Variants in NEK6 observed in about 807,000 individuals in gnomAD.
The protein encoded by NEK6 is serine/threonine-protein kinase Nek6.
NEK6 carries 27 observed loss-of-function variants against 43.5 expected under a neutral mutation model. The observed-to-expected ratio is 0.62, with a 90% CI of 0.46 to 0.86. The LOEUF is 0.86. Ranked by LOEUF, NEK6 falls within the 40% of genes least tolerant of loss-of-function variation. The pLI is 0.00. For missense variants in NEK6, 318 were observed against 414.4 expected (o/e 0.77, Z 2.02); for synonymous variants, 167 against 164.1 (o/e 1.02, Z -0.14).
chr9:124,316,775 C>T (rs1321408727), intron 4 of NEK6, among the ~76,000 whole-genome samples: 1 of 152,150 alleles, frequency 6.6e-6, no homozygotes, highest in Non-Finnish European at 1.5e-5. Flanking sequence ...TTTAAGGGAG[C>T]CCTTCCTTAA....
rs1473012177 is a variant in NEK6 at position 124,339,469 on chromosome 9, A to G, written c.623-102A>G. 9 of 798,894 alleles carry G rather than the reference A, an allele frequency of 1.1e-5. No individual in the cohort carries two copies. In the East Asian group the frequency reaches 2.2e-4, roughly 20 times the overall value. 49.5% of individuals were successfully genotyped at this position (798,894 alleles called of 1,614,324 possible). On this transcript the variant is annotated intron_variant, in intron 7 of 9. Coordinates refer to ENST00000320246, the MANE Select transcript of NEK6 (RefSeq NM_014397.6). ...AGGGCTGCTCAGAGACCGAGGCACA[A>G]TCTCTCCCCAGCTCCCGTGTGCCCT...
chr9:124,346,369 C>T (rs1205700011), intron 8 of NEK6, among the ~76,000 whole-genome samples: 1 of 152,176 alleles, frequency 6.6e-6, no homozygotes, highest in South Asian at 2.1e-4. Context: ...CTGACGGGCA[C>T]CCTCAAACCC....
chr9:124,344,681 A>G (rs930530240), intron 8 of NEK6, among the ~76,000 whole-genome samples: 20 of 152,248 alleles, frequency 1.3e-4, no homozygotes, highest in Admixed American at 1.2e-3. Flanking sequence ...ATTTTTATCT[A>G]TGTGGGAGCT....
intron 1 of NEK6, among the ~76,000 whole-genome samples, chr9:124,273,897 A>G (rs1831550562): frequency 6.6e-6 from 1 of 152,136 alleles, no homozygotes; most frequent in Admixed American, 6.5e-5. Flanking sequence ...AGGACCTAAT[A>G]AGGCCCCAAC....
chr9:124,259,155 T>C (rs1830925904), intron 1 of NEK6: 1 of 152,246 alleles, frequency 6.6e-6, no homozygotes, highest in Non-Finnish European at 1.5e-5. Flanking sequence ...TGACAGGCTT[T>C]TGTGTGTGTG....
intron 1 of NEK6, among the ~76,000 whole-genome samples, chr9:124,296,758 G>A (rs946599863): frequency 2.6e-5 from 4 of 152,286 alleles, no homozygotes; most frequent in East Asian, 3.9e-4. Context: ...TTCACTGGCC[G>A]GGCCACGATG....
chr9:124,263,219 C>A (rs760679331), intron 1 of NEK6, among the ~76,000 whole-genome samples: 1 of 152,226 alleles, frequency 6.6e-6, no homozygotes, highest in Non-Finnish European at 1.5e-5. Flanking sequence ...GCTTCGCACA[C>A]ACCCACTGGG....
intron 1 of NEK6, among the ~76,000 whole-genome samples, chr9:124,258,719 G>A (rs57370827): frequency 0.099 from 15,133 of 152,258 alleles, 984 homozygotes; most frequent in East Asian, 0.33. Context: ...GGGGGTCGGG[G>A]CTGGGCCTGA....
chr9:124,320,940 T>TA (rs1564645344), intron 4 of NEK6, among the ~76,000 whole-genome samples: 1 of 152,042 alleles, frequency 6.6e-6, no homozygotes, highest in Non-Finnish European at 1.5e-5. Flanking sequence ...AAAAAATATT[T>TA]TAAAAAAAAT....
At chr9:124,345,206 CAGTG>C (rs1225165865) in intron 8 of NEK6, among the ~76,000 whole-genome samples, 2 of 152,200 alleles carry the variant, frequency 1.3e-5, no homozygotes, top group Non-Finnish European at 1.5e-5. Context: ...AGGCCCCAGA[CAGTG>C]AGTCCTCTCT....
chr9:124,317,253 T>TCTTTCTTTC (rs1431304610), intron 4 of NEK6, among the ~76,000 whole-genome samples: 3 of 152,216 alleles, frequency 2.0e-5, no homozygotes, highest in African/African-American at 7.2e-5. Flanking sequence ...GATTTTCTTT[T>TCTTTCTTTC]CTTTCTTTCC....
In NEK6 at chr9:124,290,959, G is replaced by A. The variant is rs545251158; in HGVS notation, c.-29-10977G>A. Among the ~76,000 whole-genome samples the A allele has an allele frequency of 3.3e-3, 507 of 152,336 alleles. 1 individual carries two copies. Among genetic ancestry groups the A allele is most frequent in the Non-Finnish European group, 6.0e-3 (411 of 68,030 alleles). ...CAGGAACTGTGTCTGAGTCATTGCAGGGTCCCGAAGGGAAGACGAACACTC... is the reference window on the plus strand; with the variant it reads ...CAGGAACTGTGTCTGAGTCATTGCAAGGTCCCGAAGGGAAGACGAACACTC... On this transcript the variant is annotated intron_variant, in intron 1 of 9. Transcript: ENST00000320246.
At chr9:124,350,106 C>CCTGCTG (rs543192921) in intron 9 of NEK6, among the ~76,000 whole-genome samples, 8 of 152,204 alleles carry the variant, frequency 5.3e-5, no homozygotes, top group Admixed American at 3.9e-4. Flanking sequence ...CACCCAGCTT[C>CCTGCTG]CTGCTGCTGC....
chr9:124,269,646 T>C (rs1046626831), intron 1 of NEK6, among the ~76,000 whole-genome samples: 6 of 151,836 alleles, frequency 4.0e-5, no homozygotes, highest in African/African-American at 1.5e-4. Flanking sequence ...GAAAGGAAGG[T>C]GATGTCTGTA....
chr9:124,346,576 T>C (rs1829937919), intron 8 of NEK6, among the ~76,000 whole-genome samples: 1 of 152,104 alleles, frequency 6.6e-6, no homozygotes, highest in Non-Finnish European at 1.5e-5. Flanking sequence ...GCCGGAGGCA[T>C]TGGGCCTCGG....
chr9:124,287,967 G>T (rs912469149), intron 1 of NEK6, among the ~76,000 whole-genome samples: 2 of 152,232 alleles, frequency 1.3e-5, no homozygotes, highest in Non-Finnish European at 1.5e-5. Context: ...TGGAGACAGT[G>T]GGGGAGGGGG....
chr9:124,332,266 C>G (rs1051392339), intron 7 of NEK6, among the ~76,000 whole-genome samples: 1 of 152,238 alleles, frequency 6.6e-6, no homozygotes, highest in African/African-American at 2.4e-5. Context: ...AAGATACAGC[C>G]TGGTAGGAGA....
At chr9:124,335,333 CACGGATTCATATGTTG>C (rs1231167219) in intron 7 of NEK6, among the ~76,000 whole-genome samples, 30 of 152,190 alleles carry the variant, frequency 2.0e-4, no homozygotes, top group Admixed American at 2.0e-3. Flanking sequence ...AAGAACCCCA[CACGGATTCATATGTTG>C]ACTGACAGCC....
At chr9:124,316,361 T>G (rs1301251968) in intron 4 of NEK6, among the ~76,000 whole-genome samples, 1 of 152,180 alleles carries the variant, frequency 6.6e-6, no homozygotes, top group East Asian at 1.9e-4. Context: ...TGCAGCCCAG[T>G]GGAGAAGACA....
Sources: allele counts gnomAD v4.1 joint callset (sites outside exome capture counted in the v4.1 genomes callset), GRCh38; gene constraint gnomAD v4.1.1; transcripts MANE v1.5; gene names NCBI Gene and HGNC (gene_info 2026-07-23, HGNC 2026-07-21).